The following UGT1A7 variants were observed in gnomAD, a reference collection of about 807,000 sequenced individuals.
The protein encoded by UGT1A7 is UDP glucuronosyltransferase family 1 member A7, also known as UDP-glucuronosyltransferase 1A7.
In UGT1A7, 33 loss-of-function variants were observed where a neutral mutation model predicts 45.6. The observed-to-expected ratio is 0.72, with a 90% CI of 0.55 to 0.97. UGT1A7 has a LOEUF of 0.97. UGT1A7 is among the 50% of genes least tolerant of loss of function. UGT1A7 has a pLI of 0.00. For missense variants in UGT1A7, 684 were observed against 666.2 expected, an observed-to-expected ratio of 1.03 and a Z score of -0.29; for synonymous variants, 274 against 250.6, an observed-to-expected ratio of 1.09 and a Z score of -0.88.
At chr2:233,689,916 G>A (rs1315837449) in intron 1 of UGT1A7, 1 of 456,658 alleles carries the variant, frequency 2.2e-6, no homozygotes, top group Admixed American at 2.3e-5. Flanking sequence ...TAGGTGCCTG[G>A]AATTTCCTTC....
chr2:233,744,646 T>C (rs28899468), intron 1 of UGT1A7, among the ~76,000 whole-genome samples: 5,545 of 151,990 alleles, frequency 0.036, 178 homozygotes, highest in African/African-American at 0.053. Context: ...TCAGCTTCTG[T>C]ATTCAATCTA....
In UGT1A7 at chr2:233,767,858, C is replaced by CGGTA. The variant is rs778473109; in HGVS notation, c.998_1001dup (p.Tyr334Ter). On this transcript the variant is annotated stop_gained and frameshift_variant, in exon 3 of 5. Transcript: ENST00000373426. LOFTEE classifies it high-confidence loss of function. ...TTTTTGCCCCTCCCAGGTCCTGTGGCGGTACACTGGAACCCGACCATCGAA... is the reference window on the plus strand; with the variant it reads ...TTTTTGCCCCTCCCAGGTCCTGTGGCGGTAGGTACACTGGAACCCGACCATCGAA... 3 of 1,614,120 alleles carry CGGTA rather than the reference C, an allele frequency of 1.9e-6. No homozygotes were observed. The highest frequency in any genetic ancestry group is 2.5e-6 in the Non-Finnish European group (3 of 1,180,018).
At chr2:233,701,296 C>G (rs2075621546) in intron 1 of UGT1A7, among the ~76,000 whole-genome samples, 1 of 152,150 alleles carries the variant, frequency 6.6e-6, no homozygotes, top group Non-Finnish European at 1.5e-5. Flanking sequence ...AATCGCCACA[C>G]TGTCTTCCAC....
chr2:233,747,276 T>G (rs1693607556), intron 1 of UGT1A7: 6 of 1,598,748 alleles, frequency 3.8e-6, no homozygotes, highest in Non-Finnish European at 5.1e-6. Flanking sequence ...TCCTTCTCAG[T>G]GCCCAGCCCT....
chr2:233,747,156 A>G, intron 1 of UGT1A7: 1 of 1,580,812 alleles, frequency 6.3e-7, no homozygotes, highest in South Asian at 1.1e-5. Flanking sequence ...GATGAAGAAA[A>G]CAAATGTAGG....
intron 1 of UGT1A7, among the ~76,000 whole-genome samples, chr2:233,738,198 C>T (rs981830187): frequency 3.3e-5 from 5 of 152,188 alleles, no homozygotes; most frequent in Admixed American, 3.3e-4. Context: ...GCCTCTCTCT[C>T]ACTTTCTGCC....
At position 233,769,810 on chromosome 2, in the gene UGT1A7, A is replaced by G. The variant is rs1699943868; in HGVS notation, c.1295+1371A>G. The G allele has an allele frequency of 5.9e-6, 6 of 1,010,036 alleles. No individual in the cohort carries two copies. Among genetic ancestry groups the G allele is most frequent in the African/African-American group, 3.3e-5 (2 of 61,048 alleles). The allele number at this position is 1,010,036 out of a possible 1,614,324, so 62.6% of individuals were successfully genotyped here. ...TTGGAGGCTGCTATGAGCCGTGATC[A>G]TGCCACTGCACTCCAGCAACCTGGG... On this transcript the variant is annotated intron_variant, in intron 4 of 4. Transcript: ENST00000373426. This position sits in a 1 kb window ranked among gnomAD's most constrained non-coding sequence, Gnocchi z 4.4.
chr2:233,719,465 C>G (rs1204222582), intron 1 of UGT1A7: 1 of 1,613,994 alleles, frequency 6.2e-7, no homozygotes. Context: ...AGAACATGCT[C>G]TACCCTCTGG....
At chr2:233,751,284 C>T (rs2125910404) in intron 1 of UGT1A7, among the ~76,000 whole-genome samples, 1 of 152,008 alleles carries the variant, frequency 6.6e-6, no homozygotes, top group East Asian at 1.9e-4. Flanking sequence ...CCAGTTTCTC[C>T]CATTTGGAAT....
chr2:233,690,406 A>T (rs1332144617), intron 1 of UGT1A7: 15 of 1,193,304 alleles, frequency 1.3e-5, no homozygotes, highest in South Asian at 1.3e-5. Flanking sequence ...TATTCCCAAC[A>T]TGAAATTACC....
intron 1 of UGT1A7, among the ~76,000 whole-genome samples, chr2:233,757,562 G>GTATATATATATATATATATATATACATA (rs1491042837): frequency 2.2e-5 from 2 of 90,870 alleles, no homozygotes; most frequent in African/African-American, 1.0e-4. Flanking sequence ...ATATATATAT[G>GTATATATATATATATATATATATACATA]TATATATGAT....
intron 1 of UGT1A7, among the ~76,000 whole-genome samples, chr2:233,724,190 G>T (rs1456907439): frequency 1.6e-5 from 2 of 128,342 alleles, no homozygotes; most frequent in Non-Finnish European, 3.3e-5. Flanking sequence ...CCCGGACGGG[G>T]TGGCTGGCCG....
chr2:233,717,899 T>A (rs1410240697), intron 1 of UGT1A7: 2 of 454,694 alleles, frequency 4.4e-6, no homozygotes, highest in Non-Finnish European at 8.8e-6. Flanking sequence ...ATCTTCAGGA[T>A]GAAATAAAGG....
chr2:233,767,255 G>T, intron 2 of UGT1A7, 90 bp downstream of exon 2: 2 of 1,596,758 alleles, frequency 1.3e-6, no homozygotes, highest in East Asian at 2.2e-5. Context: ...CTCTTAATTG[G>T]AACCTTAGAT....
intron 1 of UGT1A7, chr2:233,690,499 C>T (rs1559344256): frequency 7.8e-7 from 1 of 1,289,698 alleles, no homozygotes; most frequent in Non-Finnish European, 1.0e-6. Context: ...CTCTTGCCAA[C>T]AGAGATTTGT....
chr2:233,694,694 C>CCT (rs1371949887), intron 1 of UGT1A7, among the ~76,000 whole-genome samples: 4 of 152,204 alleles, frequency 2.6e-5, no homozygotes, highest in Non-Finnish European at 4.4e-5. Flanking sequence ...AAGACCCTTA[C>CCT]CTCTCTTCTT....
chr2:233,686,333 T>A (rs6753317), intron 1 of UGT1A7, among the ~76,000 whole-genome samples: 27,662 of 152,022 alleles, frequency 0.18, 2,740 homozygotes, highest in Non-Finnish European at 0.23. Context: ...AATGTTTTTA[T>A]ACAAAAGCTT....
At chr2:233,714,443 C>T (rs1316145687) in intron 1 of UGT1A7, among the ~76,000 whole-genome samples, 1 of 152,048 alleles carries the variant, frequency 6.6e-6, no homozygotes, top group Non-Finnish European at 1.5e-5. Flanking sequence ...AGTTCAGTTT[C>T]CAGAGAGGGA....
At chr2:233,729,636 G>T (rs755096883) in intron 1 of UGT1A7, 3 of 1,613,468 alleles carry the variant, frequency 1.9e-6, no homozygotes, top group East Asian at 4.5e-5. Flanking sequence ...TTCCTACTGT[G>T]TTTTTTTTGA....
Sources: gnomAD v4.1 joint callset for allele counts (sites outside exome capture counted in the v4.1 genomes callset) on GRCh38, gnomAD v4.1.1 for gene constraint, Gnocchi (gnomAD v3.1) non-coding constraint, MANE v1.5 for transcripts, NCBI Gene and HGNC (gene_info 2026-07-23, HGNC 2026-07-21) for gene names.